The following ZFHX3 variants were observed in gnomAD, a reference collection of about 807,000 sequenced individuals.
The protein encoded by ZFHX3 is zinc finger homeobox protein 3.
In ZFHX3, 42 loss-of-function variants were observed where a neutral mutation model predicts 279.1. That is an observed-to-expected ratio of 0.15 (90% CI 0.12 to 0.19). The LOEUF is 0.19. Ranked by LOEUF, ZFHX3 falls within the 10% of genes least tolerant of loss-of-function variation. The probability of loss-of-function intolerance (pLI) is 1.00; values close to 1 mark genes in which losing one functional copy is unlikely to be tolerated. For missense variants in ZFHX3, 4,981 were observed against 4,754.0 expected (o/e 1.05, Z -1.40); for synonymous variants, 2,293 against 1,957.8 (o/e 1.17, Z -4.52).
At chr16:73,656,401 A>G (rs1168929110) in intron 2 of ZFHX3, among the ~76,000 whole-genome samples, 1 of 152,258 alleles carries the variant, frequency 6.6e-6, no homozygotes, top group Non-Finnish European at 1.5e-5. Flanking sequence ...TATATTGTTT[A>G]GGGATGCATA....
chr16:73,260,743 T>G (rs1241804386), intron 4 of ZFHX3, among the ~76,000 whole-genome samples: 8 of 135,880 alleles, frequency 5.9e-5, no homozygotes, highest in African/African-American at 1.9e-4. Flanking sequence ...CAGGCTGGAG[T>G]GCAGTCTTGG....
chr16:73,375,662 T>G lies in ZFHX3; in HGVS notation c.-1290-57326A>C, dbSNP rs113436830. Among the ~76,000 whole-genome samples the G allele has an allele frequency of 1.3e-3, 200 of 152,348 alleles. 1 individual carries two copies. The highest frequency in any genetic ancestry group is 4.2e-3 in the African/African-American group (174 of 41,586). On this transcript the variant is annotated intron_variant, in intron 3 of 17. Transcript: ENST00000641206. ...AGTTTTTATTTAACTTTATTGATCCTTCAGCTGTATCTCCTTTTCTCCATG... is the reference window on the plus strand; with the variant it reads ...AGTTTTTATTTAACTTTATTGATCCGTCAGCTGTATCTCCTTTTCTCCATG...
At chr16:72,913,356 G>A (rs918085748) in intron 3 of ZFHX3, among the ~76,000 whole-genome samples, 1 of 152,196 alleles carries the variant, frequency 6.6e-6, no homozygotes, top group African/African-American at 2.4e-5. Flanking sequence ...CCTCCAATCT[G>A]TCTTTCCTTG....
intron 4 of ZFHX3, among the ~76,000 whole-genome samples, chr16:73,296,069 C>T (rs2014901428): frequency 1.3e-5 from 2 of 148,974 alleles, no homozygotes; most frequent in Non-Finnish European, 1.5e-5. Context: ...ATTACAATCC[C>T]GTGTGTGTGT....
At chr16:73,708,720 G>A (rs2053328525) in intron 1 of ZFHX3, among the ~76,000 whole-genome samples, 1 of 152,098 alleles carries the variant, frequency 6.6e-6, no homozygotes, top group Admixed American at 6.5e-5. Context: ...TGTGCATGGG[G>A]GCAGGACAGA....
chr16:72,960,727 T>C (rs1961538568), intron 1 of ZFHX3, among the ~76,000 whole-genome samples: 1 of 152,170 alleles, frequency 6.6e-6, no homozygotes, highest in South Asian at 2.1e-4. Context: ...CTCATGGATT[T>C]AGAACAATTG....
At chr16:73,470,598 C>T (rs1307139709) in intron 2 of ZFHX3, among the ~76,000 whole-genome samples, 1 of 152,120 alleles carries the variant, frequency 6.6e-6, no homozygotes, top group Non-Finnish European at 1.5e-5. Flanking sequence ...CCCCCACACC[C>T]CAAATTATAG....
At chr16:73,395,874 C>G (rs2017117891) in intron 3 of ZFHX3, among the ~76,000 whole-genome samples, 1 of 152,140 alleles carries the variant, frequency 6.6e-6, no homozygotes, top group South Asian at 2.1e-4. Flanking sequence ...AGACATCTAC[C>G]AATTTGTTTC....
intron 2 of ZFHX3, among the ~76,000 whole-genome samples, chr16:73,670,024 C>A (rs1206802642): frequency 1.3e-5 from 2 of 152,098 alleles, no homozygotes; most frequent in Non-Finnish European, 2.9e-5. Flanking sequence ...AAAAATAGCA[C>A]CTGCAGCGAC....
intron 4 of ZFHX3, among the ~76,000 whole-genome samples, chr16:73,296,902 G>A (rs1399553338): frequency 2.3e-5 from 1 of 44,232 alleles, no homozygotes; most frequent in African/African-American, 1.5e-4. Context: ...TTTTTGAGAC[G>A]GAGTCTCTTT....
intron 1 of ZFHX3, among the ~76,000 whole-genome samples, chr16:73,703,471 T>C (rs147424864): frequency 4.6e-5 from 7 of 151,768 alleles, no homozygotes; most frequent in South Asian, 2.1e-4. Context: ...AGGAATTGAA[T>C]TCCACAATGC....
chr16:73,580,482 A>G (rs1191296572), intron 2 of ZFHX3, among the ~76,000 whole-genome samples: 1 of 129,900 alleles, frequency 7.7e-6, no homozygotes, highest in Non-Finnish European at 1.7e-5. Context: ...GTCTCAAAAA[A>G]ACAAAAACAA....
intron 5 of ZFHX3, among the ~76,000 whole-genome samples, chr16:73,149,778 T>C (rs1966896445): frequency 6.6e-6 from 1 of 152,210 alleles, no homozygotes; most frequent in African/African-American, 2.4e-5. Context: ...AAAGAAACAA[T>C]AATTATTATT....
At chr16:73,231,466 T>C (rs1332711639) in intron 5 of ZFHX3, among the ~76,000 whole-genome samples, 1 of 152,158 alleles carries the variant, frequency 6.6e-6, no homozygotes, top group African/African-American at 2.4e-5. Context: ...CATCAGCGCA[T>C]AGCAGCTGAG....
chr16:73,085,985 C>CAAA (rs57128744), intron 8 of ZFHX3, among the ~76,000 whole-genome samples: 58 of 54,202 alleles, frequency 1.1e-3, no homozygotes, highest in African/African-American at 3.4e-3. Flanking sequence ...AACTCAATTG[C>CAAA]AAAAAAAAAA....
chr16:72,805,070 C>T (rs535985712), intron 7 of ZFHX3, among the ~76,000 whole-genome samples: 4 of 152,226 alleles, frequency 2.6e-5, no homozygotes, highest in Admixed American at 6.5e-5. Context: ...CTCCGCCTCC[C>T]GGGTTCAAGT....
chr16:73,645,104 A>G (rs1012533363), intron 2 of ZFHX3, among the ~76,000 whole-genome samples: 1 of 152,236 alleles, frequency 6.6e-6, no homozygotes, highest in Non-Finnish European at 1.5e-5. Flanking sequence ...GATGGATTTT[A>G]GTCAAGCAAC....
In ZFHX3 at chr16:73,172,997, T is replaced by G. The variant is rs1185739486; in HGVS notation, c.-1103-29166A>C. 1.4e-4 allele frequency among the ~76,000 whole-genome samples: 8 copies of G among 55,380 alleles called. No homozygotes were observed. The East Asian group carries it at 3.1e-3, about 21-fold the overall frequency. The allele number at this position is 55,380 out of a possible 152,430, so 36.3% of individuals were successfully genotyped here. A position where few individuals can be genotyped will look rare whatever the true frequency, so the allele number is the denominator to read the frequency against. On this transcript the variant is annotated intron_variant, in intron 5 of 17. Transcript: ENST00000641206. ...GTTTCCTGATGGGACTGTTTTTTTGTTTTTTTTTTTGTTTTTTTTTTTTTT... is the reference window on the plus strand; with the variant it reads ...GTTTCCTGATGGGACTGTTTTTTTGGTTTTTTTTTTGTTTTTTTTTTTTTT...
chr16:73,873,818 C>G (rs975298151), intron 1 of ZFHX3, among the ~76,000 whole-genome samples: 6 of 152,126 alleles, frequency 3.9e-5, no homozygotes, highest in Non-Finnish European at 7.4e-5. Flanking sequence ...AGGAGGAAGG[C>G]TAAATGGCAA....
Sources: gnomAD v4.1 joint callset for allele counts (sites outside exome capture counted in the v4.1 genomes callset) on GRCh38, gnomAD v4.1.1 for gene constraint, MANE v1.5 for transcripts, NCBI Gene and HGNC (gene_info 2026-07-23, HGNC 2026-07-21) for gene names.